TTC12: variants seen among roughly 807,000 people sequenced by gnomAD.
TTC12 encodes tetratricopeptide repeat protein 12.
Under a neutral mutation model 90.1 loss-of-function variants are expected in TTC12, and 70 were observed. That is an observed-to-expected ratio of 0.78 (90% CI 0.64 to 0.95). The LOEUF is 0.95. Ranked by LOEUF, TTC12 falls within the 40% of genes least tolerant of loss-of-function variation. TTC12 has a pLI of 0.00. For missense variants in TTC12, 819 were observed against 846.1 expected (o/e 0.97, Z 0.40); for synonymous variants, 296 against 311.5 (o/e 0.95, Z 0.53).
intron 6 of TTC12, among the ~76,000 whole-genome samples, chr11:113,326,533 T>C (rs1555141109): frequency 6.6e-6 from 1 of 152,146 alleles, no homozygotes; most frequent in African/African-American, 2.4e-5. Flanking sequence ...TAAGAATGTC[T>C]GGCTCTGGGA....
chr11:113,346,223 C>A (rs1019772339), intron 13 of TTC12, among the ~76,000 whole-genome samples: 9 of 152,094 alleles, frequency 5.9e-5, no homozygotes, highest in Admixed American at 5.2e-4. Flanking sequence ...TACTGAGTTT[C>A]AATTCCCTGC....
chr11:113,350,303 CTGATG>C, intron 14 of TTC12, 138 bp downstream of exon 14: 1 of 651,640 alleles, frequency 1.5e-6, no homozygotes, highest in Non-Finnish European at 2.6e-6. Context: ...AGTAGGAGGG[CTGATG>C]CCTCCCAGGG....
rs753131479 is a variant in TTC12, at chr11:113,366,273, T to C, written c.2091T>C (p.Ser697=). ...RKLHGLEILN[S]TMKYISDS is the part of the protein sequence containing the mutation. ...TTCATGGCCTAGAAATTCTCAACTCTACGATGAAATACATCAGTGATTCTT... is the reference window on the plus strand; with the variant it reads ...TTCATGGCCTAGAAATTCTCAACTCCACGATGAAATACATCAGTGATTCTT... Residue 697 remains serine, a synonymous_variant, in exon 22 of 22, where the codon TCT becomes TCC. Coordinates refer to ENST00000529221, the MANE Select transcript of TTC12 (RefSeq NM_017868.4). 2.2e-5 allele frequency: 36 copies of C among 1,613,798 alleles called. No individual in the cohort carries two copies. The highest frequency in any genetic ancestry group is 2.9e-5 in the Non-Finnish European group (34 of 1,180,018).
At chr11:113,351,346 G>A (rs1375277819) in intron 15 of TTC12, 47 bp downstream of exon 15, 4 of 1,478,508 alleles carry the variant, frequency 2.7e-6, no homozygotes, top group Non-Finnish European at 3.8e-6. Context: ...ACTCTCAGGA[G>A]CGTGAATGGG....
intron 10 of TTC12, among the ~76,000 whole-genome samples, chr11:113,340,095 TA>T (rs1264650824): frequency 1.3e-5 from 2 of 152,230 alleles, no homozygotes; most frequent in Non-Finnish European, 2.9e-5. Context: ...GCTCTCCTAC[TA>T]ATGAGGGCCA....
At chr11:113,366,171 A>C in intron 21 of TTC12, 54 bp from the exon 22 acceptor site, 1 of 1,599,340 alleles carries the variant, frequency 6.3e-7, no homozygotes, top group Non-Finnish European at 8.5e-7. Context: ...TCTGGGCTCC[A>C]GAAGCCTGAA....
At chr11:113,343,955 T>C (rs2138007320) in intron 12 of TTC12, among the ~76,000 whole-genome samples, 2 of 152,300 alleles carry the variant, frequency 1.3e-5, no homozygotes, top group South Asian at 4.1e-4. Flanking sequence ...AATGACACAG[T>C]TGATTTATGG....
chr11:113,370,813 C>T (rs1163850195), downstream of TTC12, among the ~76,000 whole-genome samples: 1 of 152,246 alleles, frequency 6.6e-6, no homozygotes, highest in Non-Finnish European at 1.5e-5. Context: ...ATGAGGGTGG[C>T]TGCCTGCCAG....
intron 16 of TTC12, among the ~76,000 whole-genome samples, chr11:113,357,600 A>T (rs576256827): frequency 1.1e-3 from 162 of 151,854 alleles, no homozygotes; most frequent in African/African-American, 3.6e-3. Flanking sequence ...CTTTGGATAA[A>T]TTTTTTTTCT....
intron 16 of TTC12, among the ~76,000 whole-genome samples, chr11:113,355,772 T>C (rs555533771): frequency 1.3e-5 from 2 of 152,234 alleles, no homozygotes; most frequent in Non-Finnish European, 2.9e-5. Flanking sequence ...TTTAATTATA[T>C]AGTTTTGAGT....
chr11:113,362,306 G>A, intron 18 of TTC12, 95 bp from the exon 19 acceptor site: 1 of 823,104 alleles, frequency 1.2e-6, no homozygotes, highest in Non-Finnish European at 2.0e-6. Flanking sequence ...CCAATATAAT[G>A]ATTGCTTTTG....
At chr11:113,333,384 A>C (rs1206099351) in intron 7 of TTC12, among the ~76,000 whole-genome samples, 1 of 152,012 alleles carries the variant, frequency 6.6e-6, no homozygotes, top group Non-Finnish European at 1.5e-5. Flanking sequence ...TGCCCTTTTA[A>C]AGACTGCATT....
chr11:113,346,432 G>A (rs1948963302), intron 13 of TTC12, among the ~76,000 whole-genome samples: 1 of 152,124 alleles, frequency 6.6e-6, no homozygotes, highest in Non-Finnish European at 1.5e-5. Flanking sequence ...TGAGACTAAA[G>A]ATAGCAGCTA....
chr11:113,330,016 G>A (rs1555142253), intron 7 of TTC12, 37 bp downstream of exon 7: 2 of 1,543,874 alleles, frequency 1.3e-6, no homozygotes, highest in South Asian at 1.1e-5. Flanking sequence ...GATAGTGTTG[G>A]GCTGAAGTAG....
chr11:113,363,580 A>C (rs1238446680), intron 19 of TTC12, among the ~76,000 whole-genome samples: 6 of 152,144 alleles, frequency 3.9e-5, no homozygotes. Flanking sequence ...TCCGGAGGCA[A>C]TTACTCAGGT....
downstream of TTC12, among the ~76,000 whole-genome samples, chr11:113,370,892 TTCTTA>T (rs759398437): frequency 1.2e-4 from 18 of 152,322 alleles, no homozygotes; most frequent in East Asian, 1.9e-4. Flanking sequence ...ATGTTTGGGC[TTCTTA>T]TCTTCAGCAG....
At chr11:113,352,332 C>A in intron 16 of TTC12, 125 bp downstream of exon 16, 1 of 1,246,406 alleles carries the variant, frequency 8.0e-7, no homozygotes. Flanking sequence ...GTTGGCTTAT[C>A]CCTTCTGTAA....
intron 13 of TTC12, among the ~76,000 whole-genome samples, chr11:113,348,814 A>G (rs1304892112): frequency 6.6e-6 from 1 of 152,212 alleles, no homozygotes; most frequent in African/African-American, 2.4e-5. Flanking sequence ...CAAAGTACAG[A>G]CTTTCCAGCA....
chr11:113,351,161 TTAAC>T, intron 14 of TTC12, 74 bp from the exon 15 acceptor site: 1 of 1,378,078 alleles, frequency 7.3e-7, no homozygotes, highest in Non-Finnish European at 1.0e-6. Context: ...GTTTGCAACA[TTAAC>T]TATCTGAGAC....
Sources: allele counts gnomAD v4.1 joint callset (sites outside exome capture counted in the v4.1 genomes callset), GRCh38; gene constraint gnomAD v4.1.1; transcripts MANE v1.5; gene names NCBI Gene and HGNC (gene_info 2026-07-23, HGNC 2026-07-21).